TIGAR: variants seen among roughly 807,000 people sequenced by gnomAD.
TIGAR encodes the protein TP53 induced glycolysis regulatory phosphatase.
A neutral mutation model predicts 17.9 loss-of-function variants in TIGAR; 7 were observed. The ratio of observed to expected loss-of-function variants is 0.39; its 90% CI spans 0.22 to 0.73. The LOEUF (loss-of-function observed/expected upper bound fraction) is 0.73, where lower values mean the gene tolerates loss of function less well. Ranked by LOEUF, TIGAR falls within the 30% of genes least tolerant of loss-of-function variation. The probability of loss-of-function intolerance (pLI) is 0.42; values close to 1 mark genes in which losing one functional copy is unlikely to be tolerated. For missense variants in TIGAR, 258 were observed against 327.4 expected (o/e 0.79, Z 1.64); for synonymous variants, 94 against 108.6 (o/e 0.87, Z 0.84).
At chr12:4,335,615 A>G (rs11063089) in intron 2 of TIGAR, 7,423 of 152,354 alleles carry the variant, frequency 0.049, 533 homozygotes, top group East Asian at 0.33. Context: ...CCCAACCATG[A>G]TGGTACCCTC....
Position 4,355,233 on chromosome 12 carries a change from T to C in TIGAR, c.*2542T>C, listed in dbSNP as rs909456330. ...TGCTTTTTATAGTATAAGGTAAGAA[T>C]TTAATTTTTTTTTTCATGTGGTTGA... On this transcript the variant is annotated 3_prime_UTR_variant, in exon 6 of 6. Coordinates refer to ENST00000179259, the MANE Select transcript of TIGAR (RefSeq NM_020375.3). Among the ~76,000 whole-genome samples the C allele has an allele frequency of 1.3e-5, 2 of 151,906 alleles. No homozygotes were observed. The highest frequency in any genetic ancestry group is 2.9e-5 in the Non-Finnish European group (2 of 68,022).
chr12:4,359,089 T>TA lies in TIGAR; in HGVS notation c.*6398_*6399insA, dbSNP rs1864945787. The stretch of plus-strand genomic sequence containing the variant: ...TTGCAACTACTCTTTTAGCCTTTAT[T>TA]GTTTATTTTCTGACTCTGTTTTTTT... On this transcript the variant is annotated 3_prime_UTR_variant, in exon 6 of 6. Transcript: ENST00000179259. Among the ~76,000 whole-genome samples, 1 of 130,880 alleles carries TA rather than the reference T, an allele frequency of 7.6e-6. No individual in the cohort carries two copies. The highest frequency in any genetic ancestry group is 1.6e-5 in the Non-Finnish European group (1 of 62,886). The allele number at this position is 130,880 out of a possible 152,430, so 85.9% of individuals were successfully genotyped here.
At chr12:4,342,242 G>A (rs1202400818) in intron 3 of TIGAR, among the ~76,000 whole-genome samples, 1 of 152,116 alleles carries the variant, frequency 6.6e-6, no homozygotes, top group Non-Finnish European at 1.5e-5. Context: ...TATGTGAAAA[G>A]ACCAAATCTA....
chr12:4,330,850 C>T (rs1864596038), intron 1 of TIGAR, among the ~76,000 whole-genome samples: 1 of 152,186 alleles, frequency 6.6e-6, no homozygotes, highest in Non-Finnish European at 1.5e-5. Flanking sequence ...GCACGTCTCT[C>T]CCATTCCATT....
chr12:4,332,034 C>G (rs748915081), intron 2 of TIGAR, among the ~76,000 whole-genome samples: 13 of 152,076 alleles, frequency 8.5e-5, no homozygotes, highest in Non-Finnish European at 1.8e-4. Flanking sequence ...TGTTTTCAGA[C>G]GAAATATGCC....
At chr12:4,351,878 A>AG (rs1864841441) in intron 5 of TIGAR, among the ~76,000 whole-genome samples, 1 of 152,208 alleles carries the variant, frequency 6.6e-6, no homozygotes, top group Non-Finnish European at 1.5e-5. Context: ...TACTTTAGTA[A>AG]GGGAAGGATT....
chr12:4,357,897 A>AT lies in TIGAR; in HGVS notation c.*5207dup. On this transcript the variant is annotated 3_prime_UTR_variant, in exon 6 of 6. Transcript: ENST00000179259. ...GGCGGGCAGATCACGAGGTCAGGAG[A>AT]TAGAGACCATCCTGGCTAACACAGT... 6.6e-6 allele frequency among the ~76,000 whole-genome samples: 1 copy of AT among 151,614 alleles called. No individual in the cohort carries two copies. The highest frequency in any genetic ancestry group is 1.5e-5 in the Non-Finnish European group (1 of 67,930).
intron 2 of TIGAR, among the ~76,000 whole-genome samples, chr12:4,334,254 T>C (rs535489571): frequency 7.9e-5 from 12 of 152,306 alleles, no homozygotes; most frequent in Admixed American, 6.5e-4. Flanking sequence ...TGCCAGCAGA[T>C]CCAGTGTCTG....
chr12:4,336,460 A>G (rs1490915601), intron 2 of TIGAR, among the ~76,000 whole-genome samples: 7 of 123,220 alleles, frequency 5.7e-5, no homozygotes, highest in African/African-American at 1.6e-4. Context: ...ACACACACAC[A>G]CACACACACA....
intron 3 of TIGAR, among the ~76,000 whole-genome samples, chr12:4,341,443 C>T (rs2120675289): frequency 6.6e-6 from 1 of 152,286 alleles, no homozygotes; most frequent in African/African-American, 2.4e-5. Flanking sequence ...ACTGCCTCCT[C>T]ACATGGGTCC....
In TIGAR at chr12:4,353,808, T is replaced by TGGGGGACAG. The variant is rs2120698316; in HGVS notation, c.*1117_*1118insGGGGGACAG. On this transcript the variant is annotated 3_prime_UTR_variant, in exon 6 of 6. Transcript: ENST00000179259. The stretch of plus-strand genomic sequence containing the variant: ...GAGATCGCACCACTTCACTCCAGCC[T>TGGGGGACAG]AGGTGACAGAGGGGATGACAGAGGG... The TGGGGGACAG allele has an allele frequency of 7.2e-6, 1 of 138,572 alleles. No individual in the cohort carries two copies. Among genetic ancestry groups the TGGGGGACAG allele is most frequent in the East Asian group, 3.2e-4 (1 of 3,102 alleles). The allele number at this position is 138,572 out of a possible 1,614,324, so 8.6% of individuals were successfully genotyped here. A position where few individuals can be genotyped will look rare whatever the true frequency, so the allele number is the denominator to read the frequency against.
chr12:4,350,899 A>G (rs188134433), intron 4 of TIGAR, among the ~76,000 whole-genome samples: 1 of 152,320 alleles, frequency 6.6e-6, no homozygotes, highest in East Asian at 1.9e-4. Context: ...ATTGGGATCA[A>G]ATGGTGTAGT....
intron 3 of TIGAR, among the ~76,000 whole-genome samples, chr12:4,339,148 G>C (rs1864692892): frequency 6.6e-6 from 1 of 152,008 alleles, no homozygotes; most frequent in South Asian, 2.1e-4. Flanking sequence ...AGATAAAATT[G>C]ACAGACCTTT....
chr12:4,324,857 G>A (rs1199680706), intron 1 of TIGAR: 2 of 470,090 alleles, frequency 4.3e-6, no homozygotes, highest in African/African-American at 2.0e-5. Flanking sequence ...TAGGCAGCTC[G>A]TAAAGCTTTA....
At chr12:4,324,555 G>C in intron 1 of TIGAR, 6 of 1,607,498 alleles carry the variant, frequency 3.7e-6, no homozygotes, top group Non-Finnish European at 5.1e-6. Context: ...TCTTGGGCAG[G>C]ATGATCATGT....
Position 4,332,238 on chromosome 12 carries a change from C to CTTTTTTTTTTTTTT in TIGAR, c.70+930_70+943dup, listed in dbSNP as rs777711454. ...ATAAGCATTCAAGGCTCATGTATTT[C>CTTTTTTTTTTTTTT]TTTTTTTTTTTTTTTTTTTTTTGAG... On this transcript the variant is annotated intron_variant, in intron 2 of 5. Transcript: ENST00000179259. Among the ~76,000 whole-genome samples the CTTTTTTTTTTTTTT allele has an allele frequency of 8.4e-5, 8 of 95,360 alleles. 1 individual carries two copies. The highest frequency in any genetic ancestry group is 4.3e-4 in the Admixed American group (3 of 6,954). 62.6% of individuals were successfully genotyped at this position (95,360 alleles called of 152,430 possible). A position where few individuals can be genotyped will look rare whatever the true frequency, so the allele number is the denominator to read the frequency against.
chr12:4,352,289 A>G lies in TIGAR; in HGVS notation c.411A>G (p.Glu137=). 2 of 1,610,688 alleles carry G rather than the reference A, an allele frequency of 1.2e-6. No individual in the cohort carries two copies. Among genetic ancestry groups the G allele is most frequent in the African/African-American group, 2.7e-5 (2 of 74,656 alleles). ...AAATGCGTGGAATAGACTTTTTTGA[A>G]TTTCTTTGTCAACTAATCCTGAAAG... ...QVKMRGIDFF[E]FLCQLILKEA... Residue 137 remains glutamate (E), a synonymous_variant, in exon 6 of 6, where the codon GAA becomes GAG. Coordinates refer to ENST00000179259, the MANE Select transcript of TIGAR (RefSeq NM_020375.3).
chr12:4,340,712 A>G (rs1864710399), intron 3 of TIGAR, among the ~76,000 whole-genome samples: 2 of 152,194 alleles, frequency 1.3e-5, no homozygotes, highest in South Asian at 4.1e-4. Flanking sequence ...AGACCAATAG[A>G]CCAGAATAGA....
Position 4,321,264 on chromosome 12 carries a change from C to T in TIGAR, c.-8C>T, listed in dbSNP as rs912635327. The T allele has an allele frequency of 2.8e-5, 45 of 1,600,962 alleles. No homozygotes were observed. The highest frequency in any genetic ancestry group is 3.2e-5 in the Non-Finnish European group (38 of 1,179,826). On this transcript the variant is annotated 5_prime_UTR_variant, in exon 1 of 6. Transcript: ENST00000179259. The surrounding 1 kb of genome is among the most constrained non-coding windows in gnomAD (Gnocchi z 5.2). ...GCGGGGCCACCGACGGGACGCGGCT[C>T]CGGGAACATGGCTCGCTTCGCTCTG...
Sources: gnomAD v4.1 joint callset for allele counts (sites outside exome capture counted in the v4.1 genomes callset) on GRCh38, gnomAD v4.1.1 for gene constraint, Gnocchi (gnomAD v3.1) non-coding constraint, MANE v1.5 for transcripts, NCBI Gene and HGNC (gene_info 2026-07-23, HGNC 2026-07-21) for gene names.